Variants in VWF observed in about 807,000 individuals in gnomAD.
The protein encoded by VWF is von Willebrand factor.
Under a neutral mutation model 308.6 loss-of-function variants are expected in VWF, and 176 were observed. The ratio of observed to expected loss-of-function variants is 0.57; its 90% CI spans 0.50 to 0.65. The LOEUF (loss-of-function observed/expected upper bound fraction) is 0.65, where lower values mean the gene tolerates loss of function less well. VWF is among the 30% of genes least tolerant of loss of function. VWF has a pLI of 0.00. For synonymous variants in VWF, 1,385 were observed against 1,443.4 expected, an observed-to-expected ratio of 0.96 and a Z score of 0.92; for missense variants, 3,146 against 3,648.2, an observed-to-expected ratio of 0.86 and a Z score of 3.55.
chr12:5,959,935 A>G (rs1186588767), intron 47 of VWF, among the ~76,000 whole-genome samples: 2 of 151,140 alleles, frequency 1.3e-5, no homozygotes, highest in Admixed American at 1.3e-4. Context: ...AGCAAATTAG[A>G]CCCAGTCATT....
chr12:6,052,025 C>A (rs929655047), intron 16 of VWF, among the ~76,000 whole-genome samples: 21 of 152,204 alleles, frequency 1.4e-4, no homozygotes, highest in African/African-American at 4.8e-4. Flanking sequence ...CATGGCAACC[C>A]TGTTGAAACC....
At chr12:6,028,362 C>A (rs1194975045) in intron 22 of VWF, among the ~76,000 whole-genome samples, 2 of 151,984 alleles carry the variant, frequency 1.3e-5, no homozygotes, top group Admixed American at 1.3e-4. Context: ...GGTTAAGAAA[C>A]CTAAAGAAAA....
chr12:6,030,589 C>T (rs932528872), intron 21 of VWF, among the ~76,000 whole-genome samples: 1 of 152,190 alleles, frequency 6.6e-6, no homozygotes, highest in African/African-American at 2.4e-5. Context: ...GGGCCCCACC[C>T]AGACCTACTG....
chr12:6,119,552 T>C (rs1033691997), intron 3 of VWF, among the ~76,000 whole-genome samples: 5 of 152,074 alleles, frequency 3.3e-5, no homozygotes, highest in Admixed American at 2.6e-4. Flanking sequence ...ACACACTCTG[T>C]AAACATCTTC....
chr12:5,994,349 A>G, intron 36 of VWF, 66 bp downstream of exon 36: 1 of 1,602,552 alleles, frequency 6.2e-7, no homozygotes, highest in Non-Finnish European at 8.5e-7. Flanking sequence ...AGAGCCTCAG[A>G]GTAGAGCAAG....
Position 6,123,190 on chromosome 12 carries a change from G to A in VWF, c.7C>T (p.Pro3Ser), listed in dbSNP as rs1314021275. ...AGCAGCACCCCGGCAAATCTGGCAGGAATCATCTGCAAAGAAGCAAGAGAC... is the reference window on the plus strand; with the variant it reads ...AGCAGCACCCCGGCAAATCTGGCAGAAATCATCTGCAAAGAAGCAAGAGAC... MI[P>S]ARFAGVLLAL... Residue 3 changes from proline to serine, a missense_variant, in exon 2 of 52, where the codon CCT (proline) becomes TCT (serine). By Grantham distance (74) the Pro-to-Ser change is moderately conservative. Around this residue, in one of 3 missense-constraint regions of VWF, gnomAD observed 1,304 missense variants for 1,353.0 expected, o/e 0.96. Transcript: ENST00000261405. 6.2e-7 allele frequency: 1 copy of A among 1,614,244 alleles called. No homozygotes were observed. The highest frequency in any genetic ancestry group is 8.5e-7 in the Non-Finnish European group (1 of 1,180,052).
Position 6,058,470 on chromosome 12 carries a change from CG to C in VWF, c.1534-427del, listed in dbSNP as rs1944617650. On this transcript the variant is annotated intron_variant, in intron 13 of 51. Transcript: ENST00000261405. The surrounding 1 kb of genome is among the most constrained non-coding windows in gnomAD (Gnocchi z 4.9). ...GGCCTGACCCCCCCACCCAGAGTTACGTGCAAACTCAAGGCCCCTCTATATA... is the reference window on the plus strand; with the variant it reads ...GGCCTGACCCCCCCACCCAGAGTTACTGCAAACTCAAGGCCCCTCTATATA... 6.6e-6 allele frequency among the ~76,000 whole-genome samples: 1 copy of C among 152,172 alleles called. No individual in the cohort carries two copies. The highest frequency in any genetic ancestry group is 2.4e-5 in the African/African-American group (1 of 41,448).
intron 31 of VWF, among the ~76,000 whole-genome samples, chr12:6,015,651 T>C (rs1336251798): frequency 6.6e-6 from 1 of 151,948 alleles, no homozygotes; most frequent in Non-Finnish European, 1.5e-5. Context: ...TTGTCTCTCA[T>C]CCATCAACCC....
intron 45 of VWF, 125 bp from the exon 46 acceptor site, chr12:5,968,292 T>G (rs1591835310): frequency 8.4e-7 from 1 of 1,194,846 alleles, no homozygotes; most frequent in Non-Finnish European, 1.2e-6. Context: ...GGTCGGCCCT[T>G]TCCCCCCACC....
intron 6 of VWF, among the ~76,000 whole-genome samples, chr12:6,093,970 G>C (rs539208075): frequency 1.1e-4 from 16 of 152,304 alleles, no homozygotes; most frequent in African/African-American, 3.8e-4. Flanking sequence ...GAAGGGGTGG[G>C]GCAGTCCTCC....
At chr12:5,984,016 AT>A (rs1943647411) in intron 40 of VWF, among the ~76,000 whole-genome samples, 1 of 124,252 alleles carries the variant, frequency 8.0e-6, no homozygotes, top group Non-Finnish European at 1.6e-5. Context: ...AGATAGATAG[AT>A]AGACAGACAG....
At chr12:6,066,698 A>G (rs1944719249) in intron 10 of VWF, among the ~76,000 whole-genome samples, 1 of 152,268 alleles carries the variant, frequency 6.6e-6, no homozygotes, top group Non-Finnish European at 1.5e-5. Flanking sequence ...GCCCAGCTCC[A>G]GGGGCTAATG....
intron 14 of VWF, among the ~76,000 whole-genome samples, chr12:6,057,486 A>T (rs867387888): frequency 9.0e-4 from 66 of 73,140 alleles, no homozygotes; most frequent in African/African-American, 2.5e-3. Context: ...CAAATTTATT[A>T]TTATTATTAT....
chr12:6,050,017 C>T (rs921459666), intron 16 of VWF, among the ~76,000 whole-genome samples: 1 of 152,226 alleles, frequency 6.6e-6, no homozygotes, highest in Non-Finnish European at 1.5e-5. Context: ...CTGAAACTGT[C>T]ACCTCCATGT....
intron 15 of VWF, among the ~76,000 whole-genome samples, chr12:6,053,668 C>T (rs574403229): frequency 4.7e-4 from 71 of 152,324 alleles, no homozygotes; most frequent in African/African-American, 1.7e-3. Flanking sequence ...CCAGGTCCAC[C>T]ACTAGCTGGC....
At chr12:6,098,306 C>T (rs1264104947) in intron 5 of VWF, among the ~76,000 whole-genome samples, 1 of 152,158 alleles carries the variant, frequency 6.6e-6, no homozygotes, top group Non-Finnish European at 1.5e-5. Flanking sequence ...AACACCAACA[C>T]AGTATAGACT....
At chr12:5,970,448 C>T (rs948266454) in intron 44 of VWF, among the ~76,000 whole-genome samples, 5 of 152,252 alleles carry the variant, frequency 3.3e-5, no homozygotes, top group African/African-American at 7.2e-5. Context: ...GAATACTGAG[C>T]GCAAAGGGAC....
chr12:6,056,950 C>A lies in VWF; in HGVS notation c.1852G>T (p.Gly618Cys). The change falls in exon 15 of 52, where the codon GGC becomes TGC. Residue 618 changes from glycine to cysteine, a missense_variant. Around this residue, in one of 3 missense-constraint regions of VWF, gnomAD observed 1,304 missense variants for 1,353.0 expected, o/e 0.96. Transcript: ENST00000261405. ...CRYDVCSCSD[G>C]RECLCGALAS... The stretch of plus-strand genomic sequence containing the variant: ...AGGGCGCCGCACAGGCACTCGCGGC[C>A]GTCCGAGCAGGAGCACACGTCGTAG... The A allele has an allele frequency of 1.3e-6, 2 of 1,537,842 alleles. No individual in the cohort carries two copies. Among genetic ancestry groups the A allele is most frequent in the South Asian group, 1.2e-5 (1 of 83,946 alleles).
At position 6,036,592 on chromosome 12, in the gene VWF, G is replaced by C; in HGVS notation, c.2443-101C>G. ...GTGTTGTCTGAGACTTGAGCCTACG[G>C]GTAAGCCCAGCACTGGGACTGGCAC... On this transcript the variant is annotated intron_variant, in intron 18 of 51. Transcript: ENST00000261405. 6.3e-6 allele frequency: 7 copies of C among 1,118,990 alleles called. No individual in the cohort carries two copies. The East Asian group carries it at 1.8e-4, about 29-fold the overall frequency. The allele number at this position is 1,118,990 out of a possible 1,614,324, so 69.3% of individuals were successfully genotyped here.
Sources: gnomAD v4.1 joint callset for allele counts (sites outside exome capture counted in the v4.1 genomes callset) on GRCh38, gnomAD v4.1.1 for gene constraint, gnomAD v4.1.1 regional missense constraint, Gnocchi (gnomAD v3.1) non-coding constraint, MANE v1.5 for transcripts, NCBI Gene and HGNC (gene_info 2026-07-23, HGNC 2026-07-21) for gene names.